Variants in NCOR2 observed in about 807,000 individuals in gnomAD.
NCOR2 encodes nuclear receptor corepressor 2.
In NCOR2, 81 loss-of-function variants were observed where a neutral mutation model predicts 262.9. That is an observed-to-expected ratio of 0.31 (90% CI 0.26 to 0.37). The LOEUF is 0.37. NCOR2 is among the 10% of genes least tolerant of loss of function. The pLI is 1.00. For missense variants in NCOR2, 3,385 were observed against 3,621.4 expected (o/e 0.93, Z 1.68); for synonymous variants, 1,659 against 1,559.3 (o/e 1.06, Z -1.51).
intron 20 of NCOR2, among the ~76,000 whole-genome samples, chr12:124,368,828 T>C (rs1213063804): frequency 2.0e-5 from 3 of 152,266 alleles, no homozygotes; most frequent in Non-Finnish European, 4.4e-5. Context: ...AGAATGTAAG[T>C]GCCTGGAGTC....
chr12:124,342,578 C>T (rs1229268456), intron 33 of NCOR2, among the ~76,000 whole-genome samples: 1 of 152,162 alleles, frequency 6.6e-6, no homozygotes, highest in African/African-American at 2.4e-5. Context: ...CCGTGTTAGC[C>T]AGGATGGTCT....
chr12:124,398,336 G>A (rs1593367656), intron 15 of NCOR2, among the ~76,000 whole-genome samples, 155 bp from the exon 18 acceptor site: 1 of 151,992 alleles, frequency 6.6e-6, no homozygotes, highest in African/African-American at 2.4e-5. Context: ...CATTTCAGAC[G>A]CCCCTCCCCA....
intron 19 of NCOR2, among the ~76,000 whole-genome samples, chr12:124,374,189 A>G (rs1415291875): frequency 6.6e-6 from 1 of 152,222 alleles, no homozygotes; most frequent in East Asian, 1.9e-4. Flanking sequence ...GAAAATCAGC[A>G]AAGCAGTGGA....
At chr12:124,350,150 G>T (rs1019943048) in intron 28 of NCOR2, among the ~76,000 whole-genome samples, 1 of 152,148 alleles carries the variant, frequency 6.6e-6, no homozygotes, top group Admixed American at 6.5e-5. Context: ...GGGTCTCCTC[G>T]TTCTGGAACC....
chr12:124,552,082 G>A (rs1382680152), intron 1 of NCOR2, among the ~76,000 whole-genome samples: 1 of 152,090 alleles, frequency 6.6e-6, no homozygotes, highest in Admixed American at 6.5e-5. Flanking sequence ...CACTCTGGGA[G>A]GCCAAGGCAG....
intron 37 of NCOR2, among the ~76,000 whole-genome samples, chr12:124,338,231 A>C (rs1173624552): frequency 2.0e-5 from 3 of 152,208 alleles, no homozygotes; most frequent in Non-Finnish European, 4.4e-5. Context: ...CTGGAGGCTG[A>C]GTGCGGTGGC....
At chr12:124,347,970 G>C in intron 29 of NCOR2, 59 bp from the exon 32 acceptor site, 4 of 1,516,094 alleles carry the variant, frequency 2.6e-6, no homozygotes, top group Non-Finnish European at 3.6e-6. Flanking sequence ...ACTGGGCAGT[G>C]ACAGGGGTCA....
In NCOR2 at chr12:124,390,745, C is replaced by G. The variant is rs1030036122; in HGVS notation, c.1877-4858G>C. ...CATCCAGGCACACGCCCCCAACACT[C>G]TGTGCCAGGGCGGAGATGGCAGATT... On this transcript the variant is annotated intron_variant, in intron 16 of 46. Coordinates refer to ENST00000405201, the Ensembl canonical transcript of NCOR2. 4.6e-5 allele frequency among the ~76,000 whole-genome samples: 7 copies of G among 152,368 alleles called. No individual in the cohort carries two copies. In the Middle Eastern group the frequency reaches 0.014, roughly 296 times the overall value.
At chr12:124,519,872 C>G (rs539014290) in intron 1 of NCOR2, among the ~76,000 whole-genome samples, 88 of 132,558 alleles carry the variant, frequency 6.6e-4, no homozygotes, top group African/African-American at 3.6e-3. Flanking sequence ...GAGGCTGGCC[C>G]AGAGAGGGTA....
At chr12:124,354,749 G>A (rs1173396997) in intron 25 of NCOR2, 88 bp downstream of exon 27, 8 of 1,389,980 alleles carry the variant, frequency 5.8e-6, no homozygotes, top group Non-Finnish European at 7.9e-6. Context: ...AGTACCGTGG[G>A]CCAAGATACC....
intron 1 of NCOR2, among the ~76,000 whole-genome samples, chr12:124,543,556 A>G (rs757657296): frequency 3.9e-5 from 6 of 152,162 alleles, no homozygotes; most frequent in Non-Finnish European, 8.8e-5. Context: ...AGCGCCGTGG[A>G]TTTAGCAGGG....
At chr12:124,505,754 C>A (rs1350605976) in intron 1 of NCOR2, among the ~76,000 whole-genome samples, 1 of 152,134 alleles carries the variant, frequency 6.6e-6, no homozygotes, top group Admixed American at 6.5e-5. Context: ...CTGCCCTCTG[C>A]CACGCCGACC....
chr12:124,408,070 C>T (rs1031521485), intron 13 of NCOR2, among the ~76,000 whole-genome samples: 8 of 152,174 alleles, frequency 5.3e-5, no homozygotes, highest in African/African-American at 7.2e-5. Flanking sequence ...TATACCAAGG[C>T]GTGGCGGGGC....
At position 124,372,395 on chromosome 12, in the gene NCOR2, G is replaced by T. The variant is rs371859545; in HGVS notation, c.2434C>A (p.Pro812Thr). Reference sequence around the variant, plus strand: ...GGAGGAGGTGCAGAGGGCGATGGGGGTGCTGGTGGGGGCGTAGGGGCTCCG... The same window carrying T: ...GGAGGAGGTGCAGAGGGCGATGGGGTTGCTGGTGGGGGCGTAGGGGCTCCG... The change falls in exon 20 of 47, where the codon CCC becomes ACC. Residue 812 changes from proline to threonine, a missense_variant. Pro to Thr is a conservative substitution (Grantham distance 38). Around this residue, in one of 5 missense-constraint regions of NCOR2, gnomAD observed 1,615 missense variants for 1,626.9 expected, o/e 0.99. Coordinates refer to ENST00000405201, the Ensembl canonical transcript of NCOR2. 3.1e-5 allele frequency: 47 copies of T among 1,503,090 alleles called. No homozygotes were observed. The African/African-American group carries it at 6.2e-4, about 20-fold the overall frequency. The allele number at this position is 1,503,090 out of a possible 1,614,324, so 93.1% of individuals were successfully genotyped here. A position where few individuals can be genotyped will look rare whatever the true frequency, so the allele number is the denominator to read the frequency against.
At chr12:124,428,425 G>A (rs1467170940) in intron 10 of NCOR2, among the ~76,000 whole-genome samples, 2 of 152,346 alleles carry the variant, frequency 1.3e-5, no homozygotes, top group East Asian at 1.9e-4. Flanking sequence ...GATTGCCTGC[G>A]TCAGAATCAA....
At chr12:124,416,427 G>A (rs907620067) in intron 13 of NCOR2, among the ~76,000 whole-genome samples, 46 of 152,272 alleles carry the variant, frequency 3.0e-4, no homozygotes, top group African/African-American at 1.1e-3. Flanking sequence ...ATCCCTGTCC[G>A]CCTGTGGGGC....
At chr12:124,391,305 A>T (rs1350689546) in intron 16 of NCOR2, among the ~76,000 whole-genome samples, 1 of 151,842 alleles carries the variant, frequency 6.6e-6, no homozygotes, top group East Asian at 1.9e-4. Flanking sequence ...TCCAGCCTTG[A>T]CGTTTCCCAC....
chr12:124,363,777 G>T, exon 21 of NCOR2: 1 of 1,380,210 alleles, frequency 7.2e-7, no homozygotes. Flanking sequence ...GGGGTGAGGA[G>T]GCTGGGCCTT....
chr12:124,392,282 G>C (rs2041359804), intron 16 of NCOR2, among the ~76,000 whole-genome samples: 1 of 152,148 alleles, frequency 6.6e-6, no homozygotes, highest in South Asian at 2.1e-4. Context: ...CCCTGTGTCT[G>C]GCTGTACCCC....
Sources: gnomAD v4.1 joint callset for allele counts (sites outside exome capture counted in the v4.1 genomes callset) on GRCh38, gnomAD v4.1.1 for gene constraint, gnomAD v4.1.1 regional missense constraint, MANE v1.5 for transcripts, NCBI Gene and HGNC (gene_info 2026-07-23, HGNC 2026-07-21) for gene names.